The following TRAF3IP1 variants were observed in gnomAD, a reference collection of about 807,000 sequenced individuals.
TRAF3IP1 encodes the protein intraflagellar transport 54, also known as TRAF3-interacting protein 1.
A neutral mutation model predicts 89.9 loss-of-function variants in TRAF3IP1; 53 were observed. The ratio of observed to expected loss-of-function variants is 0.59; its 90% CI spans 0.47 to 0.74. TRAF3IP1 has a LOEUF of 0.74. Among genes scored for constraint, TRAF3IP1 ranks in the 30% least tolerant of loss-of-function variants. The pLI is 0.00. For synonymous variants in TRAF3IP1, 311 were observed against 322.1 expected (o/e 0.97, Z 0.37); for missense variants, 806 against 866.1 (o/e 0.93, Z 0.87).
chr2:238,348,327 G>A (rs184861756), intron 10 of TRAF3IP1, among the ~76,000 whole-genome samples: 127 of 152,190 alleles, frequency 8.3e-4, no homozygotes, highest in African/African-American at 3.0e-3. Flanking sequence ...ATATATTACT[G>A]TACTGGATTG....
chr2:238,340,146 G>T (rs1424156526), intron 8 of TRAF3IP1, among the ~76,000 whole-genome samples: 1 of 152,182 alleles, frequency 6.6e-6, no homozygotes. Flanking sequence ...CCCGACCCTG[G>T]CCCTGCTCCC....
intron 15 of TRAF3IP1, among the ~76,000 whole-genome samples, chr2:238,366,450 AAT>A (rs1219529809): frequency 6.6e-6 from 1 of 152,238 alleles, no homozygotes; most frequent in Non-Finnish European, 1.5e-5. Flanking sequence ...CTGAAAAAAA[AAT>A]AGATACACAT....
intron 15 of TRAF3IP1, among the ~76,000 whole-genome samples, chr2:238,375,882 C>T (rs527553147): frequency 6.6e-6 from 1 of 152,216 alleles, no homozygotes; most frequent in East Asian, 1.9e-4. Context: ...GTTGATTTTC[C>T]TGTATTCTGT....
intron 15 of TRAF3IP1, among the ~76,000 whole-genome samples, chr2:238,365,167 C>T (rs1051760774): frequency 2.0e-5 from 3 of 152,176 alleles, no homozygotes; most frequent in African/African-American, 7.2e-5. Flanking sequence ...AATAGATCCT[C>T]AAATTTCTTT....
intron 15 of TRAF3IP1, among the ~76,000 whole-genome samples, chr2:238,364,501 A>G (rs1030243088): frequency 5.9e-5 from 9 of 151,346 alleles, no homozygotes; most frequent in Non-Finnish European, 1.0e-4. Context: ...CTAAAGGTTT[A>G]TATATGAGGA....
intron 12 of TRAF3IP1, 63 bp from the exon 13 acceptor site, chr2:238,352,764 T>A: frequency 6.6e-7 from 1 of 1,515,234 alleles, no homozygotes; most frequent in South Asian, 1.3e-5. Context: ...CTGACACAGT[T>A]TCAGATGCTT....
rs568609406 is a variant in TRAF3IP1, at chr2:238,398,769, C to T, written c.1926C>T (p.Ala642=). 26 of 1,604,668 alleles carry T rather than the reference C, an allele frequency of 1.6e-5. No individual in the cohort carries two copies. In the East Asian group the frequency reaches 2.5e-4, roughly 15 times the overall value. Residue 642 remains alanine, a synonymous_variant, in exon 17 of 17, where the codon GCC becomes GCT. Coordinates refer to ENST00000373327, the MANE Select transcript of TRAF3IP1 (RefSeq NM_015650.4). ...TCTCCCTCAGGATCACAGACTGTGC[C>T]GTGGAGCCCTTAAAGGCTGAGCTCG... ...LQQEQRITDC[A]VEPLKAELAE...
At chr2:238,390,281 C>T (rs750270021) in intron 15 of TRAF3IP1, among the ~76,000 whole-genome samples, 23 of 152,206 alleles carry the variant, frequency 1.5e-4, no homozygotes, top group Non-Finnish European at 4.4e-5. Flanking sequence ...GCGATGTTCA[C>T]AGCAGACTTC....
At chr2:238,338,782 A>G (rs1698502138) in intron 8 of TRAF3IP1, among the ~76,000 whole-genome samples, 1 of 152,158 alleles carries the variant, frequency 6.6e-6, no homozygotes, top group African/African-American at 2.4e-5. Context: ...AACGGTTTTT[A>G]TGTCTTCGTC....
intron 1 of TRAF3IP1, among the ~76,000 whole-genome samples, chr2:238,323,024 G>T (rs1697635780): frequency 6.6e-6 from 1 of 151,834 alleles, no homozygotes; most frequent in Admixed American, 6.6e-5. Context: ...GTTTCATTAA[G>T]CTAAGTGTGG....
intron 15 of TRAF3IP1, among the ~76,000 whole-genome samples, chr2:238,368,346 C>T (rs765921250): frequency 1.8e-4 from 28 of 152,248 alleles, no homozygotes; most frequent in Admixed American, 2.0e-4. Context: ...TAAAATGCTT[C>T]GATTTCCTAT....
intron 5 of TRAF3IP1, among the ~76,000 whole-genome samples, chr2:238,330,062 C>G (rs902916480): frequency 1.3e-5 from 2 of 152,128 alleles, no homozygotes; most frequent in Non-Finnish European, 2.9e-5. Flanking sequence ...CCGTGCGTGT[C>G]GTTTGTGTCA....
At chr2:238,326,002 C>CT (rs1559353591) in intron 3 of TRAF3IP1, 32 bp downstream of exon 3, 3 of 1,592,240 alleles carry the variant, frequency 1.9e-6, no homozygotes, top group Non-Finnish European at 2.6e-6. Flanking sequence ...TTTGAACTTA[C>CT]TTAGTACTTG....
At chr2:238,344,717 A>G (rs1477855883) in intron 9 of TRAF3IP1, 119 bp downstream of exon 9, 8 of 771,994 alleles carry the variant, frequency 1.0e-5, no homozygotes, top group East Asian at 7.9e-5. Context: ...GAACGTGGCA[A>G]GTGATTCACA....
At chr2:238,394,918 G>A (rs1701142947) in intron 15 of TRAF3IP1, among the ~76,000 whole-genome samples, 1 of 152,210 alleles carries the variant, frequency 6.6e-6, no homozygotes, top group South Asian at 2.1e-4. Flanking sequence ...CAGAAGTAAT[G>A]CAAGTGAATA....
rs61001806 is a variant in TRAF3IP1, at chr2:238,384,337, GATGT to G, written c.1690-13079_1690-13076del. 8.9e-3 allele frequency among the ~76,000 whole-genome samples: 1,245 copies of G among 139,712 alleles called. 17 individuals are homozygous for G. The highest frequency in any genetic ancestry group is 0.018 in the African/African-American group (676 of 37,378). 91.7% of individuals were successfully genotyped at this position (139,712 alleles called of 152,430 possible). On this transcript the variant is annotated intron_variant, in intron 15 of 16. Coordinates refer to ENST00000373327, the MANE Select transcript of TRAF3IP1 (RefSeq NM_015650.4). ...TTTCTAATCTGTCCAGAATCAACCT[GATGT>G]ATGTATGTATGTATGTATGTATGTA...
At chr2:238,373,423 G>A (rs1440820323) in intron 15 of TRAF3IP1, among the ~76,000 whole-genome samples, 2 of 152,170 alleles carry the variant, frequency 1.3e-5, no homozygotes, top group Non-Finnish European at 2.9e-5. Flanking sequence ...TGTCAGGTTT[G>A]TCAAAGATCA....
chr2:238,337,107 G>T (rs1698422168), intron 7 of TRAF3IP1, among the ~76,000 whole-genome samples: 1 of 152,126 alleles, frequency 6.6e-6, no homozygotes, highest in Non-Finnish European at 1.5e-5. Flanking sequence ...CCTACCCTGA[G>T]TCAATCACAG....
At chr2:238,320,862 T>C in intron 1 of TRAF3IP1, 77 bp downstream of exon 1, 1 of 1,169,804 alleles carries the variant, frequency 8.5e-7, no homozygotes, top group African/African-American at 1.7e-5. Flanking sequence ...CCGGGCCGGG[T>C]GGCGCCGGGT....
Sources: gnomAD v4.1 joint callset for allele counts (sites outside exome capture counted in the v4.1 genomes callset) on GRCh38, gnomAD v4.1.1 for gene constraint, MANE v1.5 for transcripts, NCBI Gene and HGNC (gene_info 2026-07-23, HGNC 2026-07-21) for gene names.